ANXA3: variants seen among roughly 807,000 people sequenced by gnomAD.
ANXA3 encodes 35-alpha calcimedin.
ANXA3 carries 46 observed loss-of-function variants against 48.8 expected under a neutral mutation model. The ratio of observed to expected loss-of-function variants is 0.94; its 90% confidence interval spans 0.74 to 1.21. The LOEUF (loss-of-function observed/expected upper bound fraction) is 1.21. ANXA3 is among the 50% of genes most tolerant of loss of function. The pLI, the probability that ANXA3 is intolerant of heterozygous loss-of-function variation, is 0.00. For missense variants in ANXA3, 383 were observed against 378.6 expected, an observed-to-expected ratio of 1.01 and a Z score of -0.10; for synonymous variants, 128 against 134.7, an observed-to-expected ratio of 0.95 and a Z score of 0.35.
At chr4:78,569,042 C>A (rs887664883) in intron 2 of ANXA3, among the ~76,000 whole-genome samples, 1 of 152,210 alleles carries the variant, frequency 6.6e-6, no homozygotes, top group African/African-American at 2.4e-5. Flanking sequence ...ATGCAGGAAA[C>A]GCGCTTAGCA....
At chr4:78,578,282 A>G (rs6837662) in intron 3 of ANXA3, among the ~76,000 whole-genome samples, 13,974 of 127,266 alleles carry the variant, frequency 0.11, 2,482 homozygotes, top group African/African-American at 0.37. Context: ...AGAAAGGGCG[A>G]AGGGGAGAGA....
intron 7 of ANXA3, among the ~76,000 whole-genome samples, chr4:78,593,347 C>T (rs1239824202): frequency 1.3e-5 from 2 of 151,920 alleles, no homozygotes; most frequent in South Asian, 2.1e-4. Context: ...GGATTACAGG[C>T]ACACGCCACC....
intron 10 of ANXA3, among the ~76,000 whole-genome samples, chr4:78,597,914 A>G (rs1013679906): frequency 1.1e-4 from 16 of 152,294 alleles, no homozygotes; most frequent in East Asian, 5.8e-4. Context: ...ACATCCAGCC[A>G]TCTTTTTAAA....
chr4:78,564,482 T>C (rs971921231), intron 2 of ANXA3, among the ~76,000 whole-genome samples: 3 of 152,238 alleles, frequency 2.0e-5, no homozygotes, highest in African/African-American at 7.2e-5. Context: ...TTCACAGTTA[T>C]GTATTAAGCC....
intron 5 of ANXA3, among the ~76,000 whole-genome samples, chr4:78,583,490 G>C (rs906629729): frequency 6.9e-6 from 1 of 145,544 alleles, no homozygotes; most frequent in African/African-American, 2.6e-5. Flanking sequence ...CAGGCATGGT[G>C]GCTCATGCCT....
chr4:78,577,445 G>A (rs960764735), intron 3 of ANXA3, among the ~76,000 whole-genome samples: 5 of 152,160 alleles, frequency 3.3e-5, no homozygotes, highest in African/African-American at 9.7e-5. Context: ...GTGCAGTTGT[G>A]GTGGCCGGTA....
At chr4:78,580,335 G>A in intron 4 of ANXA3, among the ~76,000 whole-genome samples, 1 of 152,144 alleles carries the variant, frequency 6.6e-6, no homozygotes, top group African/African-American at 2.4e-5. Context: ...AAGCCCTGAA[G>A]CAAAAAGAAA....
intron 2 of ANXA3, among the ~76,000 whole-genome samples, chr4:78,558,119 A>G (rs1376276095): frequency 2.0e-5 from 3 of 152,262 alleles, no homozygotes; most frequent in Non-Finnish European, 4.4e-5. Context: ...CCAGTATGTT[A>G]AGTGAAAAAG....
chr4:78,562,963 T>A (rs765539600), intron 2 of ANXA3, among the ~76,000 whole-genome samples: 2 of 152,130 alleles, frequency 1.3e-5, no homozygotes, highest in South Asian at 4.1e-4. Flanking sequence ...AAAACAGGGA[T>A]ACAAGATTAC....
chr4:78,595,477 T>C (rs1578402484), intron 8 of ANXA3, 40 bp downstream of exon 8: 1 of 1,599,450 alleles, frequency 6.3e-7, no homozygotes, highest in East Asian at 2.2e-5. Flanking sequence ...TTACCTATTC[T>C]CCTATGTGGC....
intron 10 of ANXA3, among the ~76,000 whole-genome samples, chr4:78,600,347 A>G (rs1158040565): frequency 6.6e-6 from 1 of 152,186 alleles, no homozygotes; most frequent in Non-Finnish European, 1.5e-5. Flanking sequence ...CAAATCTAGT[A>G]GGTAAGAATA....
At chr4:78,571,018 C>CTTTCTTTCTTTCT (rs112621376) in intron 2 of ANXA3, 4 of 150,960 alleles carry the variant, frequency 2.6e-5, no homozygotes, top group South Asian at 2.1e-4. Context: ...TTCTTTCTTT[C>CTTTCTTTCTTTCT]TTTTTTTTTG....
At chr4:78,573,121 A>G (rs1460285019) in intron 2 of ANXA3, 59 bp from the exon 3 acceptor site, 5 of 1,243,426 alleles carry the variant, frequency 4.0e-6, no homozygotes, top group Admixed American at 1.7e-5. Flanking sequence ...GAATATGCAT[A>G]TGTAATACAA....
chr4:78,583,005 C>T (rs1172613759), intron 5 of ANXA3, among the ~76,000 whole-genome samples: 1 of 152,062 alleles, frequency 6.6e-6, no homozygotes, highest in Non-Finnish European at 1.5e-5. Flanking sequence ...AGGGTTCCCT[C>T]AGAGAAGCAG....
chr4:78,588,704 C>T (rs113732284), intron 6 of ANXA3, among the ~76,000 whole-genome samples: 1,531 of 152,182 alleles, frequency 0.01, 13 homozygotes, highest in Non-Finnish European at 0.015. Context: ...TTGCTGCTGT[C>T]GGGGTGAACA....
intron 12 of ANXA3, among the ~76,000 whole-genome samples, chr4:78,605,147 G>A (rs926864592): frequency 1.2e-4 from 18 of 152,194 alleles, no homozygotes; most frequent in African/African-American, 3.9e-4. Context: ...ATTTTTTAGA[G>A]ATGGGGTCTT....
chr4:78,571,782 A>T (rs1261431510), intron 2 of ANXA3, among the ~76,000 whole-genome samples: 5 of 152,184 alleles, frequency 3.3e-5, no homozygotes, highest in African/African-American at 1.2e-4. Context: ...GCAATTTTAA[A>T]ATATTTTTTC....
intron 2 of ANXA3, among the ~76,000 whole-genome samples, chr4:78,566,989 G>A (rs527266371): frequency 8.5e-5 from 13 of 152,302 alleles, no homozygotes; most frequent in African/African-American, 2.2e-4. Context: ...TGCTGTGGAC[G>A]TTCAGCACCG....
intron 12 of ANXA3, among the ~76,000 whole-genome samples, chr4:78,607,623 A>T (rs1385249579): frequency 6.6e-6 from 1 of 152,208 alleles, no homozygotes; most frequent in Non-Finnish European, 1.5e-5. Context: ...GGGAAAATAT[A>T]GTAGCCACTC....
Sources: allele counts gnomAD v4.1 joint callset (sites outside exome capture counted in the v4.1 genomes callset), GRCh38; gene constraint gnomAD v4.1.1; transcripts MANE v1.5; gene names NCBI Gene and HGNC (gene_info 2026-07-23, HGNC 2026-07-21).